GOT2: variants seen among roughly 807,000 people sequenced by gnomAD.
GOT2 encodes glutamic-oxaloacetic transaminase 2.
In GOT2, 17 loss-of-function variants were observed where a neutral mutation model predicts 50.0. The ratio of observed to expected loss-of-function variants is 0.34; its 90% CI spans 0.23 to 0.51. GOT2 has a LOEUF of 0.51. Ranked by LOEUF, GOT2 falls within the 20% of genes least tolerant of loss-of-function variation. The pLI is 0.97. For missense variants in GOT2, 430 were observed against 559.6 expected (o/e 0.77, Z 2.34); for synonymous variants, 172 against 204.9 (o/e 0.84, Z 1.37).
intron 1 of GOT2, among the ~76,000 whole-genome samples, chr16:58,732,036 A>G (rs918568881): frequency 1.3e-5 from 2 of 152,254 alleles, no homozygotes; most frequent in Non-Finnish European, 2.9e-5. Context: ...AACTATTTCA[A>G]GAATTTATTT....
In GOT2 at chr16:58,734,291, A is replaced by C; in HGVS notation, c.-63T>G. 1.1e-6 allele frequency: 1 copy of C among 887,460 alleles called. No homozygotes were observed. The highest frequency in any genetic ancestry group is 1.5e-6 in the Non-Finnish European group (1 of 660,548). 55.0% of individuals were successfully genotyped at this position (887,460 alleles called of 1,614,324 possible). ...GAGCAGAGGGCGAGCGGACACACAC[A>C]CAGGGAACCGGCTCCTGCTGAAGGT... On this transcript the variant is annotated 5_prime_UTR_variant, in exon 1 of 10. Coordinates refer to ENST00000245206, the MANE Select transcript of GOT2 (RefSeq NM_002080.4).
chr16:58,716,862 C>T, intron 6 of GOT2, 49 bp from the exon 7 acceptor site: 1 of 1,558,508 alleles, frequency 6.4e-7, no homozygotes, highest in Non-Finnish European at 8.8e-7. Flanking sequence ...CTGAAGAGGC[C>T]CCAGATGTTT....
At chr16:58,718,918 G>A (rs1000617808) in intron 4 of GOT2, among the ~76,000 whole-genome samples, 2 of 152,250 alleles carry the variant, frequency 1.3e-5, no homozygotes, top group South Asian at 2.1e-4. Flanking sequence ...ACTTGTAAAG[G>A]GGGTTAATTG....
At position 58,714,903 on chromosome 16, in the gene GOT2, T is replaced by A. The variant is rs192766064; in HGVS notation, c.1019+1111A>T. ...TGTTGCCCAGGCTTGTCTCAAACGA[T>A]CTTTCCACCTCAGCCTCCCAAAGTG... On this transcript the variant is annotated intron_variant, in intron 8 of 9. Transcript: ENST00000245206. 3.3e-5 allele frequency among the ~76,000 whole-genome samples: 5 copies of A among 152,170 alleles called. No homozygotes were observed. In the South Asian group the frequency reaches 8.3e-4, roughly 25 times the overall value.
chr16:58,733,436 T>C (rs1252758967), intron 1 of GOT2, among the ~76,000 whole-genome samples: 1 of 152,052 alleles, frequency 6.6e-6, no homozygotes, highest in East Asian at 1.9e-4. Flanking sequence ...AGAGGAAGAT[T>C]GATAGCCTCC....
At position 58,723,824 on chromosome 16, in the gene GOT2, A is replaced by G; in HGVS notation, c.168T>C (p.Asn56=). ...CAACTCCCAGATTCATCTTTTTGCTATTGGTGTCCCTCTTAAAGGCTTCAG... is the reference window on the plus strand; with the variant it reads ...CAACTCCCAGATTCATCTTTTTGCTGTTGGTGTCCCTCTTAAAGGCTTCAG... ...GVTEAFKRDT[N]SKKMNLGVGA... is the part of the protein sequence containing the mutation. The change falls in exon 2 of 10, where the codon AAT becomes AAC. Residue 56 remains asparagine (N), a synonymous_variant. Transcript: ENST00000245206. 1 of 1,612,508 alleles carries G rather than the reference A, an allele frequency of 6.2e-7. No individual in the cohort carries two copies. Among genetic ancestry groups the G allele is most frequent in the Non-Finnish European group, 8.5e-7 (1 of 1,178,570 alleles).
At chr16:58,712,337 C>A (rs1170630747) in intron 8 of GOT2, among the ~76,000 whole-genome samples, 2 of 152,134 alleles carry the variant, frequency 1.3e-5, no homozygotes, top group African/African-American at 2.4e-5. Flanking sequence ...TGTGGTGAAA[C>A]CCAGTCTCTA....
intron 1 of GOT2, among the ~76,000 whole-genome samples, chr16:58,730,391 A>AT (rs11439864): frequency 0.69 from 103,723 of 149,782 alleles, 36,300 homozygotes; most frequent in Middle Eastern, 0.85. Context: ...GAGGGATACA[A>AT]TTTTTTTTTT....
chr16:58,727,379 T>A (rs1017219153), intron 1 of GOT2, among the ~76,000 whole-genome samples: 6 of 151,736 alleles, frequency 4.0e-5, no homozygotes, highest in Non-Finnish European at 7.4e-5. Context: ...TTTTTTTTTT[T>A]TAAAAAAAGA....
Position 58,734,124 on chromosome 16 carries a change from G to A in GOT2, c.89+16C>T. 4 of 1,306,238 alleles carry A rather than the reference G, an allele frequency of 3.1e-6. No homozygotes were observed. The highest frequency in any genetic ancestry group is 2.0e-6 in the Non-Finnish European group (2 of 1,021,338). 80.9% of individuals were successfully genotyped at this position (1,306,238 alleles called of 1,614,324 possible). On this transcript the variant is annotated intron_variant, in intron 1 of 9. Transcript: ENST00000245206. Reference sequence around the variant, plus strand: ...GGGCCATCGCCCTGGCTCCATCTCCGTTTCCCTTGGCTTACCTGGCTCTGG... The same window carrying A: ...GGGCCATCGCCCTGGCTCCATCTCCATTTCCCTTGGCTTACCTGGCTCTGG...
At position 58,722,278 on chromosome 16, in the gene GOT2, C is replaced by T; in HGVS notation, c.247G>A (p.Ala83Thr). 1.2e-6 allele frequency: 2 copies of T among 1,613,184 alleles called. No homozygotes were observed. The highest frequency in any genetic ancestry group is 2.2e-5 in the East Asian group (1 of 44,872). ...TTTTTTGCGGCAATCTGGGCCTCTG[C>T]CTAGACAAGAGAAAATACATCCATT... ...KPYVLPSVRK[A>T]EAQIAAKNLD... The change falls in exon 3 of 10, where the codon GCA becomes ACA. Residue 83 changes from alanine (A) to threonine (T), a missense_variant and splice_region_variant. Transcript: ENST00000245206.
At position 58,716,676 on chromosome 16, in the gene GOT2, G is replaced by A; in HGVS notation, c.840C>T (p.Asn280=). 2 of 1,613,828 alleles carry A rather than the reference G, an allele frequency of 1.2e-6. No individual in the cohort carries two copies. Among genetic ancestry groups the A allele is most frequent in the South Asian group, 1.1e-5 (1 of 91,056 alleles). The change falls in exon 7 of 10, where the codon AAC becomes AAT. Residue 280 remains asparagine (N), a synonymous_variant. Transcript: ENST00000245206. ...NVCLCQSYAK[N]MGLYGERVGA... The stretch of plus-strand genomic sequence containing the variant: ...GCTGTAGCTTACCATATAAGCCCAT[G>A]TTCTTGGCATATGATTGGCAGAGGC...
chr16:58,725,225 C>T (rs377317923), intron 1 of GOT2, among the ~76,000 whole-genome samples: 382 of 151,926 alleles, frequency 2.5e-3, no homozygotes, highest in South Asian at 6.0e-3. Flanking sequence ...AGTGATTCTC[C>T]TGCCTCAGCC....
Position 58,708,271 on chromosome 16 carries a change from A to T in GOT2, c.1193T>A (p.Phe398Tyr). Residue 398 changes from phenylalanine (F) to tyrosine (Y), a missense_variant, in exon 10 of 10, where the codon TTC (phenylalanine) becomes TAC (tyrosine). Transcript: ENST00000245206. The part of the protein sequence containing the change: ...PEQVERLIKE[F>Y]SIYMTKDGRI... Reference sequence around the variant, plus strand: ...GCCATCTTTTGTCATGTAGATGGAGAACTCCTTGATCAGCCGCTCCACCTG... The same window carrying T: ...GCCATCTTTTGTCATGTAGATGGAGTACTCCTTGATCAGCCGCTCCACCTG... 1 of 1,613,974 alleles carries T rather than the reference A, an allele frequency of 6.2e-7. No individual in the cohort carries two copies. Among genetic ancestry groups the T allele is most frequent in the Non-Finnish European group, 8.5e-7 (1 of 1,179,940 alleles).
rs569068737 is a variant in GOT2, at chr16:58,725,519, A to G, written c.90-1617T>C. On this transcript the variant is annotated intron_variant, in intron 1 of 9. Coordinates refer to ENST00000245206, the MANE Select transcript of GOT2 (RefSeq NM_002080.4). ...TTCATTGTATACCTAAATAATTTCT[A>G]AGATAGACTACAGACACATTGATTA... Among the ~76,000 whole-genome samples, 3 of 152,342 alleles carry G rather than the reference A, an allele frequency of 2.0e-5. No individual in the cohort carries two copies. In the South Asian group the frequency reaches 6.2e-4, roughly 32 times the overall value.
At chr16:58,713,772 T>G (rs2044668388) in intron 8 of GOT2, among the ~76,000 whole-genome samples, 1 of 152,182 alleles carries the variant, frequency 6.6e-6, no homozygotes, top group South Asian at 2.1e-4. Flanking sequence ...TATGAACTCA[T>G]AGAGTAGGGG....
intron 3 of GOT2, among the ~76,000 whole-genome samples, chr16:58,720,984 G>A (rs9921563): frequency 0.13 from 20,332 of 152,156 alleles, 2,840 homozygotes; most frequent in East Asian, 0.39. Context: ...CTAGGCAAAA[G>A]AGCACATGAA....
intron 7 of GOT2, 75 bp downstream of exon 7, chr16:58,716,588 A>ACACACC: frequency 4.0e-6 from 5 of 1,234,572 alleles, no homozygotes; most frequent in Admixed American, 4.0e-5. Flanking sequence ...ACACACACAC[A>ACACACC]CCCACAAGCT....
chr16:58,728,425 T>G (rs1390906413), intron 1 of GOT2, among the ~76,000 whole-genome samples: 2 of 152,198 alleles, frequency 1.3e-5, no homozygotes, highest in Non-Finnish European at 2.9e-5. Flanking sequence ...GAGTGCCTGA[T>G]GTTCGCTAAT....
Sources: gnomAD v4.1 joint callset for allele counts (sites outside exome capture counted in the v4.1 genomes callset) on GRCh38, gnomAD v4.1.1 for gene constraint, MANE v1.5 for transcripts, NCBI Gene and HGNC (gene_info 2026-07-23, HGNC 2026-07-21) for gene names.